CHRNA6: variants seen among roughly 807,000 people sequenced by gnomAD.
CHRNA6 encodes neuronal acetylcholine receptor subunit alpha-6.
Under a neutral mutation model 40.9 loss-of-function variants are expected in CHRNA6, and 31 were observed. That is an observed-to-expected ratio of 0.76 (90% CI 0.57 to 1.02). The LOEUF (loss-of-function observed/expected upper bound fraction) is 1.02. Among genes scored for constraint, CHRNA6 ranks in the 50% least tolerant of loss-of-function variants. The pLI is 0.00. For missense variants in CHRNA6, 546 were observed against 596.6 expected, an observed-to-expected ratio of 0.92 and a Z score of 0.88; for synonymous variants, 222 against 221.3, an observed-to-expected ratio of 1.00 and a Z score of -0.03.
Position 42,753,061 on chromosome 8 carries a change from C to T in CHRNA6, c.*118G>A. The T allele has an allele frequency of 1.1e-6, 1 of 872,674 alleles. No individual in the cohort carries two copies. Among genetic ancestry groups the T allele is most frequent in the South Asian group, 1.7e-5 (1 of 58,846 alleles). The allele number at this position is 872,674 out of a possible 1,614,324, so 54.1% of individuals were successfully genotyped here. A position where few individuals can be genotyped will look rare whatever the true frequency, so the allele number is the denominator to read the frequency against. Reference sequence around the variant, plus strand: ...AGAAAGTCCTCTTTTTCCATGTAGCCATCAGTTTTAGCAGATGGGGGACTT... The same window carrying T: ...AGAAAGTCCTCTTTTTCCATGTAGCTATCAGTTTTAGCAGATGGGGGACTT... On this transcript the variant is annotated 3_prime_UTR_variant, in exon 6 of 6. Coordinates refer to ENST00000276410, the MANE Select transcript of CHRNA6 (RefSeq NM_004198.3).
intron 5 of CHRNA6, among the ~76,000 whole-genome samples, chr8:42,753,967 G>T (rs1029968214): frequency 6.6e-6 from 1 of 152,136 alleles, no homozygotes. Context: ...TGAGGCAGGG[G>T]GTGCCACTGG....
At chr8:42,756,898 A>G in intron 4 of CHRNA6, 30 bp downstream of exon 4, 4 of 1,611,306 alleles carry the variant, frequency 2.5e-6, no homozygotes, top group Non-Finnish European at 3.4e-6. Flanking sequence ...GCAGCTTTGG[A>G]AAGAGGCTAC....
In CHRNA6 at chr8:42,756,991, C is replaced by A. The variant is rs202058490; in HGVS notation, c.311G>T (p.Gly104Val). ...TGCAGGAACGCGAAGAGTCTCAATG[C>A]CATCATATTCCATTGGATCCCAGCG... ...KLRWDPMEYDGIETLRVPADK... is the reference protein window; with the variant it reads ...KLRWDPMEYDVIETLRVPADK... Residue 104 changes from glycine to valine, a missense_variant, in exon 4 of 6, where the codon GGC (glycine) becomes GTC (valine). Transcript: ENST00000276410. 2.5e-6 allele frequency: 4 copies of A among 1,613,506 alleles called. No individual in the cohort carries two copies. The highest frequency in any genetic ancestry group is 2.5e-6 in the Non-Finnish European group (3 of 1,179,464).
intron 3 of CHRNA6, among the ~76,000 whole-genome samples, chr8:42,758,362 T>C (rs1467815283): frequency 6.6e-6 from 1 of 151,714 alleles, no homozygotes; most frequent in Non-Finnish European, 1.5e-5. Flanking sequence ...GTTTTTTTTT[T>C]GTTTTGTTTT....
rs763093183 is a variant in CHRNA6 at position 42,756,315 on chromosome 8, G to A, written c.884C>T (p.Ser295Phe). The A allele has an allele frequency of 5.0e-6, 8 of 1,614,116 alleles. No homozygotes were observed. The highest frequency in any genetic ancestry group is 5.9e-6 in the Non-Finnish European group (7 of 1,180,054). The change falls in exon 5 of 6, where the codon TCC (serine) becomes TTC (phenylalanine). Residue 295 changes from serine (S) to phenylalanine (F), a missense_variant. Around this residue, in one of 3 missense-constraint regions of CHRNA6, gnomAD observed 476 missense variants for 494.5 expected, o/e 0.96. Coordinates refer to ENST00000276410, the MANE Select transcript of CHRNA6 (RefSeq NM_004198.3). ...FLLVITETIP[S>F]TSLVVPLVGE... is the part of the protein sequence containing the mutation. ...CACCAGTGGGACCACCAGAGATGTG[G>A]ATGGGATGGTTTCTGTGATGACCAG...
At chr8:42,755,707 A>G in intron 5 of CHRNA6, 139 bp downstream of exon 5, 1 of 986,480 alleles carries the variant, frequency 1.0e-6, no homozygotes, top group Non-Finnish European at 1.5e-6. Flanking sequence ...TAACCACATA[A>G]TAACAGAGCC....
rs150991696 is a variant in CHRNA6 at position 42,756,365 on chromosome 8, G to C, written c.834C>G (p.Val278=). The C allele has an allele frequency of 4.3e-6, 7 of 1,614,058 alleles. No homozygotes were observed. The highest frequency in any genetic ancestry group is 2.7e-5 in the African/African-American group (2 of 74,922). Reference sequence around the variant, plus strand: ...GCAAAAACACAGTCAGAGAAAGCAGGACTGAAATACAAAGCGTCACTTTTT... The same window carrying C: ...GCAAAAACACAGTCAGAGAAAGCAGCACTGAAATACAAAGCGTCACTTTTT... ...CGEKVTLCIS[V]LLSLTVFLLV... The change falls in exon 5 of 6, where the codon GTC becomes GTG. Residue 278 remains valine, a synonymous_variant. Transcript: ENST00000276410.
Position 42,756,591 on chromosome 8 carries a change from T to G in CHRNA6, c.608A>C (p.Asn203Thr), listed in dbSNP as rs143385261. 6.9e-5 allele frequency: 111 copies of G among 1,614,168 alleles called. No individual in the cohort carries two copies. In the African/African-American group the frequency reaches 9.7e-4, roughly 14 times the overall value. The change falls in exon 5 of 6, where the codon AAC becomes ACC. Residue 203 changes from asparagine (N) to threonine (T), a missense_variant. Physicochemically the swap from Asn to Thr is moderately conservative, Grantham distance 65. Around this residue, in one of 3 missense-constraint regions of CHRNA6, gnomAD observed 476 missense variants for 494.5 expected, o/e 0.96. Coordinates refer to ENST00000276410, the MANE Select transcript of CHRNA6 (RefSeq NM_004198.3). ...GGCATCAATGATTTCCCATTCACTGTTTTCCCAAAAATCATTCATATCCAC... is the reference window on the plus strand; with the variant it reads ...GGCATCAATGATTTCCCATTCACTGGTTTCCCAAAAATCATTCATATCCAC... ...SKVDMNDFWE[N>T]SEWEIIDASG...
Position 42,765,197 on chromosome 8 carries a change from C to G in CHRNA6, c.87G>C (p.Val29=), listed in dbSNP as rs201237479. 4.3e-6 allele frequency: 7 copies of G among 1,613,754 alleles called. No individual in the cohort carries two copies. Among genetic ancestry groups the G allele is most frequent in the Non-Finnish European group, 5.1e-6 (6 of 1,179,906 alleles). ...AGAGCCTCTCCTCAGTTGCACAGCC[C>G]ACACAGCCTGTGAGGCCAAACAAAG... ...CVFTPFFKGC[V]GCATEERLFH... Residue 29 remains valine (V), a synonymous_variant, in exon 2 of 6, where the codon GTG becomes GTC. Transcript: ENST00000276410.
Position 42,753,117 on chromosome 8 carries a change from T to A in CHRNA6, c.*62A>T. ...GGAAGCCTTTGCTTTCCTTTCCTTG[T>A]GGCAGGGAATGCAGAACAAATATGG... On this transcript the variant is annotated 3_prime_UTR_variant, in exon 6 of 6. Transcript: ENST00000276410. The A allele has an allele frequency of 6.8e-7, 1 of 1,474,118 alleles. No homozygotes were observed. 91.3% of individuals were successfully genotyped at this position (1,474,118 alleles called of 1,614,324 possible).
chr8:42,757,803 G>T (rs1468302781), intron 3 of CHRNA6, among the ~76,000 whole-genome samples: 2 of 151,462 alleles, frequency 1.3e-5, no homozygotes, highest in Non-Finnish European at 2.9e-5. Context: ...GGAGGCCGAG[G>T]CGTGCAGATC....
Position 42,755,926 on chromosome 8 carries a change from GC to G in CHRNA6, c.1272del (p.Glu424AspfsTer9), listed in dbSNP as rs1563623574. On this transcript the variant is annotated frameshift_variant, in exon 5 of 6. Transcript: ENST00000276410. LOFTEE classifies it high-confidence loss of function. Reference sequence around the variant, plus strand: ...ATCACATCTTCAACTTCAGGCGAGTGCTCCGAATTTTCCACCACCCACTGTA... The same window carrying G: ...ATCACATCTTCAACTTCAGGCGAGTGTCCGAATTTTCCACCACCCACTGTA... ...QPLQWVVENS[E>X]HSPEVEDVIN... The G allele has an allele frequency of 1.2e-6, 2 of 1,614,218 alleles. No individual in the cohort carries two copies. Among genetic ancestry groups the G allele is most frequent in the South Asian group, 2.2e-5 (2 of 91,088 alleles).
rs187077675 is a variant in CHRNA6, at chr8:42,768,708, G to A, written c.-278C>T. The stretch of plus-strand genomic sequence containing the variant: ...TAGATGTCTCTTCATGCAAGAAAGG[G>A]GAAGAAAAGCAGAAAAGAAATGCTG... On this transcript the variant is annotated 5_prime_UTR_variant, in exon 1 of 6. Transcript: ENST00000276410. 1.9e-4 allele frequency: 61 copies of A among 316,984 alleles called. No homozygotes were observed. Among genetic ancestry groups the A allele is most frequent in the Non-Finnish European group, 3.3e-4 (57 of 170,512 alleles). The allele number at this position is 316,984 out of a possible 1,614,324, so 19.6% of individuals were successfully genotyped here. A position where few individuals can be genotyped will look rare whatever the true frequency, so the allele number is the denominator to read the frequency against.
At chr8:42,759,428 G>C in intron 2 of CHRNA6, 1 of 257,468 alleles carries the variant, frequency 3.9e-6, no homozygotes, top group Non-Finnish European at 7.8e-6. Flanking sequence ...AGGAAGGAAA[G>C]AAAAGAAGAG....
At chr8:42,767,230 G>A (rs770765877) in intron 1 of CHRNA6, among the ~76,000 whole-genome samples, 6 of 152,224 alleles carry the variant, frequency 3.9e-5, no homozygotes, top group Non-Finnish European at 1.5e-5. Flanking sequence ...GCCTCCCAAA[G>A]TGCTGGGATT....
intron 2 of CHRNA6, among the ~76,000 whole-genome samples, chr8:42,761,595 G>T (rs1229530438): frequency 6.6e-6 from 1 of 152,242 alleles, no homozygotes. Flanking sequence ...TATGGACATG[G>T]CCCATGGGGA....
chr8:42,754,158 G>A lies in CHRNA6; in HGVS notation c.1354-848C>T, dbSNP rs567463231. 2.0e-4 allele frequency among the ~76,000 whole-genome samples: 31 copies of A among 152,136 alleles called. No homozygotes were observed. In the South Asian group the frequency reaches 4.8e-3, roughly 23 times the overall value. On this transcript the variant is annotated intron_variant, in intron 5 of 5. Coordinates refer to ENST00000276410, the MANE Select transcript of CHRNA6 (RefSeq NM_004198.3). ...GAGAGCCCTAACTGGTAGTGATTAA[G>A]TCAACAGCAGCTGTTTCTTCGATTA...
In CHRNA6 at chr8:42,765,134, C is replaced by T; in HGVS notation, c.150G>A (p.Arg50=). ...CAGGGTCGGAAACGTTTTCCACAGG[C>T]CTGATGAACTGGTTGTAATGAGAAA... ...KLFSHYNQFI[R]PVENVSDPVT... The change falls in exon 2 of 6, where the codon AGG becomes AGA. Residue 50 remains arginine (R), a synonymous_variant. Transcript: ENST00000276410. 6.2e-7 allele frequency: 1 copy of T among 1,614,160 alleles called. No homozygotes were observed. The highest frequency in any genetic ancestry group is 8.5e-7 in the Non-Finnish European group (1 of 1,180,010).
intron 3 of CHRNA6, among the ~76,000 whole-genome samples, chr8:42,757,550 C>T (rs1816823240): frequency 7.1e-6 from 1 of 140,246 alleles, no homozygotes; most frequent in Admixed American, 7.2e-5. Flanking sequence ...CGGTGAAACC[C>T]CATTTTTACT....
Sources: allele counts gnomAD v4.1 joint callset (sites outside exome capture counted in the v4.1 genomes callset), GRCh38; gene constraint gnomAD v4.1.1; regional missense constraint gnomAD v4.1.1; transcripts MANE v1.5; gene names NCBI Gene and HGNC (gene_info 2026-07-23, HGNC 2026-07-21).